RALGAPB: variants seen among roughly 807,000 people sequenced by gnomAD.
RALGAPB encodes the protein Ral GTPase activating protein non-catalytic subunit beta, also known as ral GTPase-activating protein subunit beta.
A neutral mutation model predicts 161.1 loss-of-function variants in RALGAPB; 25 were observed. The observed-to-expected ratio is 0.16, with a 90% CI of 0.11 to 0.22. The LOEUF is 0.22. RALGAPB is among the 10% of genes least tolerant of loss of function. RALGAPB has a pLI of 1.00. For synonymous variants in RALGAPB, 629 were observed against 626.1 expected, an observed-to-expected ratio of 1.00 and a Z score of -0.07; for missense variants, 1,391 against 1,815.2, an observed-to-expected ratio of 0.77 and a Z score of 4.25.
chr20:38,569,025 T>A (rs955302419), intron 26 of RALGAPB: 9 of 152,186 alleles, frequency 5.9e-5, no homozygotes, highest in Non-Finnish European at 1.0e-4. Context: ...GCCAGATGTT[T>A]GTCACTAGTT....
At chr20:38,521,105 C>T (rs1195087973) in intron 9 of RALGAPB, among the ~76,000 whole-genome samples, 1 of 152,072 alleles carries the variant, frequency 6.6e-6, no homozygotes, top group Non-Finnish European at 1.5e-5. Context: ...GTGTAAATTG[C>T]AGTAGCTATT....
intron 25 of RALGAPB, among the ~76,000 whole-genome samples, chr20:38,565,979 C>T (rs1237401173): frequency 6.6e-6 from 1 of 152,180 alleles, no homozygotes; most frequent in Non-Finnish European, 1.5e-5. Flanking sequence ...ATTATTACTT[C>T]TTAGTCTGAA....
At position 38,562,700 on chromosome 20, in the gene RALGAPB, A is replaced by G; in HGVS notation, c.3697+3A>G. 6.3e-7 allele frequency: 1 copy of G among 1,594,008 alleles called. No individual in the cohort carries two copies. Among genetic ancestry groups the G allele is most frequent in the Non-Finnish European group, 8.5e-7 (1 of 1,173,312 alleles). The stretch of plus-strand genomic sequence containing the variant: ...TGATGGTGAAGGATCTCAACAAGGT[A>G]AAACTCACAGTGTTTCAAATGTCAG... On this transcript the variant is annotated splice_donor_region_variant and intron_variant, in intron 24 of 29. Transcript: ENST00000262879.
At position 38,526,145 on chromosome 20, in the gene RALGAPB, C is replaced by G. The variant is rs373723219; in HGVS notation, c.2050+103C>G. On this transcript the variant is annotated intron_variant, in intron 13 of 29. Transcript: ENST00000262879. Reference sequence around the variant, plus strand: ...TAATGGGAGCCTAAACCTAATGTAGCTCTACTTACTCTGAATCAGAGGCAC... The same window carrying G: ...TAATGGGAGCCTAAACCTAATGTAGGTCTACTTACTCTGAATCAGAGGCAC... 3.0e-5 allele frequency: 37 copies of G among 1,253,392 alleles called. No homozygotes were observed. The East Asian group carries it at 3.6e-4, about 12-fold the overall frequency. 77.6% of individuals were successfully genotyped at this position (1,253,392 alleles called of 1,614,324 possible).
rs1349193507 is a variant in RALGAPB, at chr20:38,517,719, A to C, written c.1200+65A>C. ...GGCTTTTTAATCTGCCATTCTTTTTATAAAGTCTTGCTATTTTCTCAGACT... is the reference window on the plus strand; with the variant it reads ...GGCTTTTTAATCTGCCATTCTTTTTCTAAAGTCTTGCTATTTTCTCAGACT... On this transcript the variant is annotated intron_variant, in intron 8 of 29. Transcript: ENST00000262879. 2.5e-6 allele frequency: 4 copies of C among 1,605,778 alleles called. No homozygotes were observed. In the South Asian group the frequency reaches 3.3e-5, roughly 13 times the overall value.
At chr20:38,514,148 T>C (rs959436102) in intron 6 of RALGAPB, among the ~76,000 whole-genome samples, 2 of 152,208 alleles carry the variant, frequency 1.3e-5, no homozygotes, top group Non-Finnish European at 2.9e-5. Flanking sequence ...CTAGGCTCCA[T>C]GAAGCAGCGA....
At chr20:38,544,771 G>A (rs2087104628) in intron 18 of RALGAPB, among the ~76,000 whole-genome samples, 1 of 152,082 alleles carries the variant, frequency 6.6e-6, no homozygotes, top group Non-Finnish European at 1.5e-5. Context: ...ACCCAGCTGA[G>A]TACAGTATTC....
At chr20:38,542,179 T>C (rs1358850027) in intron 18 of RALGAPB, among the ~76,000 whole-genome samples, 1 of 151,988 alleles carries the variant, frequency 6.6e-6, no homozygotes, top group Non-Finnish European at 1.5e-5. Flanking sequence ...GCTCAGAAAA[T>C]GTAAAAGCAG....
At chr20:38,480,760 C>T (rs1315848) in intron 1 of RALGAPB, among the ~76,000 whole-genome samples, 72,381 of 102,908 alleles carry the variant, frequency 0.7, 26,672 homozygotes, top group East Asian at 0.92. Flanking sequence ...TTTTTTGAGA[C>T]GGAGTCTCGC....
chr20:38,514,197 T>A (rs2086059951), intron 6 of RALGAPB, among the ~76,000 whole-genome samples: 1 of 152,242 alleles, frequency 6.6e-6, no homozygotes, highest in African/African-American at 2.4e-5. Flanking sequence ...GAAGGCAACC[T>A]CGGGACAAGC....
chr20:38,530,665 C>T (rs1029644907), intron 13 of RALGAPB, among the ~76,000 whole-genome samples: 2 of 148,888 alleles, frequency 1.3e-5, no homozygotes, highest in Admixed American at 6.7e-5. Flanking sequence ...GGTGCAATTT[C>T]GGCTCACTGC....
At chr20:38,541,251 C>T in intron 18 of RALGAPB, 59 bp downstream of exon 18, 1 of 1,486,114 alleles carries the variant, frequency 6.7e-7, no homozygotes, top group Non-Finnish European at 9.1e-7. Flanking sequence ...AGCAGTGATC[C>T]ATGTTGTTTC....
intron 10 of RALGAPB, among the ~76,000 whole-genome samples, chr20:38,522,923 G>T (rs576911718): frequency 6.6e-6 from 1 of 152,242 alleles, no homozygotes; most frequent in African/African-American, 2.4e-5. Flanking sequence ...TGTCTTCCTG[G>T]TCTGCCAGAA....
At chr20:38,519,773 C>G (rs1375849677) in intron 9 of RALGAPB, among the ~76,000 whole-genome samples, 1 of 152,112 alleles carries the variant, frequency 6.6e-6, no homozygotes, top group Non-Finnish European at 1.5e-5. Flanking sequence ...CTTGAGGTCT[C>G]AAGTCTGGTG....
At chr20:38,496,627 T>C (rs1230075729) in intron 3 of RALGAPB, among the ~76,000 whole-genome samples, 1 of 152,224 alleles carries the variant, frequency 6.6e-6, no homozygotes, top group Non-Finnish European at 1.5e-5. Flanking sequence ...CCAAAATACT[T>C]TGATCTGTTT....
intron 19 of RALGAPB, chr20:38,546,665 A>C (rs1026614898): frequency 2.2e-5 from 11 of 507,620 alleles, no homozygotes; most frequent in African/African-American, 1.7e-4. Context: ...GTAGTTTTAT[A>C]AAAGGTGGTG....
chr20:38,487,939 G>T (rs1203976252), intron 1 of RALGAPB, among the ~76,000 whole-genome samples: 2 of 152,130 alleles, frequency 1.3e-5, no homozygotes, highest in Non-Finnish European at 2.9e-5. Flanking sequence ...GGTGGTGCAT[G>T]CCTGTAATCC....
chr20:38,473,473 G>A (rs929388022), intron 1 of RALGAPB, among the ~76,000 whole-genome samples: 14 of 152,202 alleles, frequency 9.2e-5, no homozygotes, highest in Admixed American at 7.9e-4. Context: ...TGATGAGGGA[G>A]AGTTGATGAT....
chr20:38,518,017 A>G lies in RALGAPB; in HGVS notation c.1417+17A>G. 1 of 1,573,368 alleles carries G rather than the reference A, an allele frequency of 6.4e-7. No homozygotes were observed. The highest frequency in any genetic ancestry group is 8.7e-7 in the Non-Finnish European group (1 of 1,143,192). ...GCATGACTGGTAAATATTACTCAAG[A>G]AATATGTTATCATTATTTTCCTTTT... On this transcript the variant is annotated intron_variant, in intron 9 of 29. Coordinates refer to ENST00000262879, the MANE Select transcript of RALGAPB (RefSeq NM_020336.4).
Sources: allele counts gnomAD v4.1 joint callset (sites outside exome capture counted in the v4.1 genomes callset), GRCh38; gene constraint gnomAD v4.1.1; transcripts MANE v1.5; gene names NCBI Gene and HGNC (gene_info 2026-07-23, HGNC 2026-07-21).